Variants in THSD4 observed in about 807,000 individuals in gnomAD.
THSD4 encodes the protein thrombospondin type 1 domain containing 4.
In THSD4, 69 loss-of-function variants were observed where a neutral mutation model predicts 119.0. The observed-to-expected ratio is 0.58, with a 90% CI of 0.48 to 0.71. The LOEUF is 0.71. Ranked by LOEUF, THSD4 falls within the 30% of genes least tolerant of loss-of-function variation. The pLI is 0.00. For missense variants in THSD4, 1,393 were observed against 1,391.1 expected, an observed-to-expected ratio of 1.00 and a Z score of -0.02; for synonymous variants, 524 against 540.4, an observed-to-expected ratio of 0.97 and a Z score of 0.42.
chr15:71,528,493 G>T (rs2048560645), intron 7 of THSD4, among the ~76,000 whole-genome samples: 1 of 152,186 alleles, frequency 6.6e-6, no homozygotes, highest in Non-Finnish European at 1.5e-5. Flanking sequence ...ACCTTTAGTA[G>T]AGTTGTCCAC....
chr15:71,119,733 C>T (rs571370739), intron 1 of THSD4, among the ~76,000 whole-genome samples: 13 of 152,204 alleles, frequency 8.5e-5, no homozygotes. Flanking sequence ...TGGGACCCCC[C>T]GAATAGGGCT....
intron 3 of THSD4, among the ~76,000 whole-genome samples, chr15:71,213,577 C>T (rs2140248515): frequency 6.6e-6 from 1 of 152,294 alleles, no homozygotes; most frequent in Non-Finnish European, 1.5e-5. Flanking sequence ...CCCTTGTCTT[C>T]TGGGCCTGGC....
chr15:71,307,723 G>A (rs557672103), intron 6 of THSD4, among the ~76,000 whole-genome samples: 5 of 152,240 alleles, frequency 3.3e-5, no homozygotes, highest in East Asian at 1.9e-4. Context: ...AGCTGAGATC[G>A]CACCACTGCA....
intron 7 of THSD4, among the ~76,000 whole-genome samples, chr15:71,553,550 C>T (rs1316548620): frequency 6.6e-6 from 1 of 152,128 alleles, no homozygotes; most frequent in Non-Finnish European, 1.5e-5. Context: ...TGGTCTCGAG[C>T]TCCTGACCTC....
At chr15:71,376,776 A>G (rs11858454) in intron 6 of THSD4, among the ~76,000 whole-genome samples, 90,847 of 152,068 alleles carry the variant, frequency 0.6, 27,383 homozygotes, top group East Asian at 0.74. Context: ...GTCTGTAAGT[A>G]GATCAGTCTG....
chr15:71,344,311 G>A (rs1340740200), intron 6 of THSD4, among the ~76,000 whole-genome samples: 8 of 152,062 alleles, frequency 5.3e-5, no homozygotes, highest in African/African-American at 1.9e-4. Context: ...CCAAAGTACT[G>A]GGATTACAGG....
intron 7 of THSD4, among the ~76,000 whole-genome samples, chr15:71,655,813 A>G (rs2051179158): frequency 6.6e-6 from 1 of 152,186 alleles, no homozygotes; most frequent in Non-Finnish European, 1.5e-5. Context: ...CCTATCAGCG[A>G]CCAATTGATC....
intron 7 of THSD4, among the ~76,000 whole-genome samples, chr15:71,601,102 G>A (rs1476891815): frequency 6.6e-6 from 1 of 152,100 alleles, no homozygotes; most frequent in Non-Finnish European, 1.5e-5. Flanking sequence ...TAAATAACTT[G>A]CCCAACAACC....
At chr15:71,540,312 A>G (rs1333627821) in intron 7 of THSD4, among the ~76,000 whole-genome samples, 2 of 150,876 alleles carry the variant, frequency 1.3e-5, no homozygotes, top group African/African-American at 4.9e-5. Context: ...TAATTTTTAT[A>G]TTTTTAGTAG....
chr15:71,635,488 G>T (rs774013697), intron 7 of THSD4, among the ~76,000 whole-genome samples: 1 of 152,090 alleles, frequency 6.6e-6, no homozygotes, highest in Non-Finnish European at 1.5e-5. Flanking sequence ...TTCTTTGAAA[G>T]AAAAAAGTGG....
chr15:71,650,907 T>A (rs147202289), intron 7 of THSD4, among the ~76,000 whole-genome samples: 5 of 152,336 alleles, frequency 3.3e-5, no homozygotes, highest in Non-Finnish European at 7.4e-5. Context: ...TAGTCTTGAT[T>A]TTTTTAAAAA....
At chr15:71,528,253 G>A (rs2048556413) in intron 7 of THSD4, among the ~76,000 whole-genome samples, 1 of 152,120 alleles carries the variant, frequency 6.6e-6, no homozygotes, top group Non-Finnish European at 1.5e-5. Context: ...AGAGGTAAAT[G>A]CTCTTGCCCA....
intron 7 of THSD4, among the ~76,000 whole-genome samples, chr15:71,626,003 C>A (rs985626878): frequency 2.0e-5 from 3 of 152,162 alleles, no homozygotes; most frequent in Admixed American, 6.5e-5. Context: ...TTATTTAGAT[C>A]TTCTTTTACG....
intron 7 of THSD4, among the ~76,000 whole-genome samples, chr15:71,651,555 A>G (rs935494024): frequency 6.6e-5 from 10 of 152,126 alleles, no homozygotes; most frequent in African/African-American, 2.4e-4. Context: ...TAAGAAGCCT[A>G]TATATTCCCC....
intron 7 of THSD4, among the ~76,000 whole-genome samples, chr15:71,595,692 T>C (rs759490805): frequency 6.6e-5 from 10 of 151,826 alleles, no homozygotes; most frequent in Non-Finnish European, 1.3e-4. Context: ...TTCCAAAGAG[T>C]CCTGTTAAGT....
intron 7 of THSD4, among the ~76,000 whole-genome samples, chr15:71,643,704 T>C (rs907856371): frequency 6.6e-5 from 10 of 152,246 alleles, no homozygotes; most frequent in African/African-American, 2.4e-4. Flanking sequence ...TACAGGCATT[T>C]AGTGAACATG....
intron 8 of THSD4, among the ~76,000 whole-genome samples, chr15:71,695,854 T>C (rs2052155704): frequency 6.6e-6 from 1 of 152,180 alleles, no homozygotes; most frequent in Non-Finnish European, 1.5e-5. Flanking sequence ...ATCTATACAA[T>C]GAAGCTAATA....
rs147881437 is a variant in THSD4, at chr15:71,632,968, C to T, written c.1153-27562C>T. Among the ~76,000 whole-genome samples the T allele has an allele frequency of 1.4e-4, 22 of 152,264 alleles. No individual in the cohort carries two copies. In the East Asian group the frequency reaches 4.1e-3, roughly 28 times the overall value. On this transcript the variant is annotated intron_variant, in intron 7 of 17. Coordinates refer to ENST00000261862, the MANE Select transcript of THSD4 (RefSeq NM_024817.3). ...CCTAATCAACAGACCTTGTTAAAGGCAGTTATTTTATTACAGGCCTCCCAA... is the reference window on the plus strand; with the variant it reads ...CCTAATCAACAGACCTTGTTAAAGGTAGTTATTTTATTACAGGCCTCCCAA...
chr15:71,266,827 A>G (rs1006341725), intron 6 of THSD4, among the ~76,000 whole-genome samples: 3 of 151,944 alleles, frequency 2.0e-5, no homozygotes, highest in East Asian at 1.9e-4. Flanking sequence ...ACAAGTATCA[A>G]TAGCTGAATT....
Sources: allele counts gnomAD v4.1 joint callset (sites outside exome capture counted in the v4.1 genomes callset), GRCh38; gene constraint gnomAD v4.1.1; transcripts MANE v1.5; gene names NCBI Gene and HGNC (gene_info 2026-07-23, HGNC 2026-07-21).